CTNNA3: variants seen among roughly 807,000 people sequenced by gnomAD.
The protein encoded by CTNNA3 is catenin alpha-3.
A neutral mutation model predicts 95.7 loss-of-function variants in CTNNA3; 76 were observed. The observed-to-expected ratio is 0.79, with a 90% CI of 0.66 to 0.96. CTNNA3 has a LOEUF of 0.96. Ranked by LOEUF, CTNNA3 falls within the 40% of genes least tolerant of loss-of-function variation. CTNNA3 has a pLI of 0.00. For synonymous variants in CTNNA3, 431 were observed against 374.4 expected, an observed-to-expected ratio of 1.15 and a Z score of -1.74; for missense variants, 1,191 against 1,089.8, an observed-to-expected ratio of 1.09 and a Z score of -1.31.
At chr10:66,436,323 G>C (rs1400149439) in intron 11 of CTNNA3, among the ~76,000 whole-genome samples, 2 of 152,034 alleles carry the variant, frequency 1.3e-5, no homozygotes, top group Non-Finnish European at 2.9e-5. Context: ...CTTTTTTTAG[G>C]TCTCTAAGAA....
At chr10:66,065,228 TG>T (rs138087737) in intron 15 of CTNNA3, among the ~76,000 whole-genome samples, 24,886 of 129,666 alleles carry the variant, frequency 0.19, 2,254 homozygotes, top group South Asian at 0.36. Flanking sequence ...TTGGTTTAAA[TG>T]GTTTTTTTTT....
At chr10:66,730,841 T>C (rs2132664740) in intron 9 of CTNNA3, among the ~76,000 whole-genome samples, 1 of 152,330 alleles carries the variant, frequency 6.6e-6, no homozygotes, top group African/African-American at 2.4e-5. Flanking sequence ...TATTGAATCT[T>C]ACTTTATTTG....
At chr10:66,825,553 T>TA (rs1252165584) in intron 7 of CTNNA3, among the ~76,000 whole-genome samples, 1 of 152,062 alleles carries the variant, frequency 6.6e-6, no homozygotes, top group African/African-American at 2.4e-5. Context: ...GCTGAGACTA[T>TA]AGGCATGAAC....
At chr10:67,724,068 C>T (rs1371175009) in intron 1 of CTNNA3, among the ~76,000 whole-genome samples, 1 of 152,170 alleles carries the variant, frequency 6.6e-6, no homozygotes, top group Non-Finnish European at 1.5e-5. Context: ...CAGCTGGGCT[C>T]AGCAGTGACC....
intron 10 of CTNNA3, among the ~76,000 whole-genome samples, chr10:66,542,384 A>G (rs1412200217): frequency 6.6e-6 from 1 of 152,152 alleles, no homozygotes; most frequent in Non-Finnish European, 1.5e-5. Flanking sequence ...CCATCCCATT[A>G]CTGGGTATAT....
At chr10:66,255,627 A>G (rs925127778) in intron 13 of CTNNA3, among the ~76,000 whole-genome samples, 2 of 151,908 alleles carry the variant, frequency 1.3e-5, no homozygotes, top group Admixed American at 6.6e-5. Flanking sequence ...TCATCCCCCA[A>G]TCATCACCCT....
At chr10:66,073,725 C>T (rs1464345632) in intron 14 of CTNNA3, among the ~76,000 whole-genome samples, 1 of 151,962 alleles carries the variant, frequency 6.6e-6, no homozygotes, top group Non-Finnish European at 1.5e-5. Context: ...AATCTTCTTG[C>T]TTTGCTACTG....
intron 7 of CTNNA3, among the ~76,000 whole-genome samples, chr10:67,025,083 C>T (rs547956000): frequency 7.5e-4 from 105 of 139,252 alleles, no homozygotes; most frequent in African/African-American, 2.5e-3. Flanking sequence ...GAGCCGAGAT[C>T]ATGCCATTGC....
At chr10:65,987,768 C>T (rs1356833115) in intron 16 of CTNNA3, among the ~76,000 whole-genome samples, 1 of 152,046 alleles carries the variant, frequency 6.6e-6, no homozygotes, top group Non-Finnish European at 1.5e-5. Flanking sequence ...ACCTGTCAAT[C>T]AGTTAGTTAG....
intron 9 of CTNNA3, among the ~76,000 whole-genome samples, chr10:66,659,314 GAGA>G (rs1300974655): frequency 6.6e-6 from 1 of 152,102 alleles, no homozygotes; most frequent in African/African-American, 2.4e-5. Context: ...TAGATGGAGA[GAGA>G]AGGTCTCTCT....
At chr10:65,952,703 C>T (rs2077644335) in intron 17 of CTNNA3, among the ~76,000 whole-genome samples, 1 of 152,226 alleles carries the variant, frequency 6.6e-6, no homozygotes, top group African/African-American at 2.4e-5. Context: ...TGTAAGCCCT[C>T]ATGGCTCTTT....
At position 66,448,223 on chromosome 10, in the gene CTNNA3, T is replaced by C. The variant is rs184499329; in HGVS notation, c.1532-68871A>G. On this transcript the variant is annotated intron_variant, in intron 11 of 17. Coordinates refer to ENST00000433211, the MANE Select transcript of CTNNA3 (RefSeq NM_013266.4). The stretch of plus-strand genomic sequence containing the variant: ...GAGAAATAGGAACACTTTTACACTG[T>C]TGGTGGGACTGTAAACTAGTTCAAC... 0.018 allele frequency among the ~76,000 whole-genome samples: 2,757 copies of C among 152,252 alleles called. 198 individuals are homozygous for C. The East Asian group carries it at 0.24, about 13-fold the overall frequency.
intron 12 of CTNNA3, among the ~76,000 whole-genome samples, chr10:66,359,905 C>A (rs1234011039): frequency 6.6e-6 from 1 of 151,552 alleles, no homozygotes; most frequent in African/African-American, 2.4e-5. Context: ...CTGCTCACTG[C>A]AACCTCTGCC....
chr10:66,006,586 T>A (rs1404003762), intron 15 of CTNNA3, among the ~76,000 whole-genome samples: 3 of 152,158 alleles, frequency 2.0e-5, no homozygotes, highest in African/African-American at 2.4e-5. Context: ...GTCCCTCTTT[T>A]TCCTGTTGGC....
chr10:66,979,571 C>T (rs765768356), intron 7 of CTNNA3, among the ~76,000 whole-genome samples: 15 of 152,008 alleles, frequency 9.9e-5, no homozygotes, highest in African/African-American at 2.2e-4. Context: ...TCTGGCCATG[C>T]GACCTGGAAG....
chr10:67,203,129 T>C (rs958382316), intron 6 of CTNNA3, among the ~76,000 whole-genome samples: 2 of 152,172 alleles, frequency 1.3e-5, no homozygotes, highest in Non-Finnish European at 1.5e-5. Flanking sequence ...TCCTCTGATA[T>C]GGTTTGACTG....
chr10:66,182,874 C>G (rs1018470139), intron 13 of CTNNA3, among the ~76,000 whole-genome samples: 11 of 152,124 alleles, frequency 7.2e-5, no homozygotes, highest in Non-Finnish European at 2.9e-5. Flanking sequence ...ATGTGTCAAA[C>G]TTACCCTGAG....
intron 1 of CTNNA3, among the ~76,000 whole-genome samples, chr10:67,719,945 G>A (rs1841168070): frequency 6.6e-6 from 1 of 151,746 alleles, no homozygotes; most frequent in African/African-American, 2.4e-5. Context: ...AAGTCTCTTT[G>A]TAGGTCTCTA....
At chr10:66,464,759 T>C (rs1425250818) in intron 11 of CTNNA3, among the ~76,000 whole-genome samples, 3 of 140,682 alleles carry the variant, frequency 2.1e-5, no homozygotes, top group Non-Finnish European at 3.0e-5. Flanking sequence ...TGAGACTGTC[T>C]CAAAAAATAA....
Sources: gnomAD v4.1 joint callset for allele counts (sites outside exome capture counted in the v4.1 genomes callset) on GRCh38, gnomAD v4.1.1 for gene constraint, MANE v1.5 for transcripts, NCBI Gene and HGNC (gene_info 2026-07-23, HGNC 2026-07-21) for gene names.